The following FGFRL1 variants were observed in gnomAD, a reference collection of about 807,000 sequenced individuals.
FGFRL1 encodes the protein fibroblast growth factor receptor like 1.
In FGFRL1, 24 loss-of-function variants were observed where a neutral mutation model predicts 36.8. The ratio of observed to expected loss-of-function variants is 0.65; its 90% confidence interval spans 0.47 to 0.92. The LOEUF is 0.92. Ranked by LOEUF, FGFRL1 falls within the 40% of genes least tolerant of loss-of-function variation. FGFRL1 has a pLI of 0.00. For missense variants in FGFRL1, 785 were observed against 753.4 expected (o/e 1.04, Z -0.49); for synonymous variants, 422 against 344.1 (o/e 1.23, Z -2.50).
chr4:1,024,269 G>T, intron 5 of FGFRL1, 42 bp from the exon 6 acceptor site: 2 of 1,542,070 alleles, frequency 1.3e-6, no homozygotes, highest in South Asian at 2.4e-5. Context: ...GGTAGAGTCC[G>T]GCGCGGCCCA....
intron 2 of FGFRL1, 137 bp from the exon 3 acceptor site, chr4:1,022,066 C>T (rs1340640215): frequency 6.5e-5 from 42 of 646,790 alleles, no homozygotes; most frequent in African/African-American, 7.6e-5. Context: ...CTCGGCCCCT[C>T]TGCTCATCTT....
chr4:1,023,047 G>A lies in FGFRL1; in HGVS notation c.352+572G>A, dbSNP rs1231879323. Among the ~76,000 whole-genome samples the A allele has an allele frequency of 6.6e-6, 1 of 151,768 alleles. No individual in the cohort carries two copies. Among genetic ancestry groups the A allele is most frequent in the Non-Finnish European group, 1.5e-5 (1 of 67,858 alleles). On this transcript the variant is annotated intron_variant, in intron 3 of 6. Transcript: ENST00000510644. This position sits in a 1 kb window ranked among gnomAD's most constrained non-coding sequence, Gnocchi z 6.0. ...TTTTTTAATTCTACTTTAAGTTTTA[G>A]GGTACATGTGCCCGTTTTCTGAATA...
chr4:1,024,680 G>A lies in FGFRL1; in HGVS notation c.1072+16G>A, dbSNP rs757827192. 5 of 1,583,324 alleles carry A rather than the reference G, an allele frequency of 3.2e-6. No homozygotes were observed. In the African/African-American group the frequency reaches 4.0e-5, roughly 13 times the overall value. Reference sequence around the variant, plus strand: ...GTGCTGCCAGGTGCGCGGCTGCCACGCCACGCCACACCATGCTGGTGCCCG... The same window carrying A: ...GTGCTGCCAGGTGCGCGGCTGCCACACCACGCCACACCATGCTGGTGCCCG... On this transcript the variant is annotated intron_variant, in intron 6 of 6. Transcript: ENST00000510644.
chr4:1,018,360 G>T (rs998219499), intron 2 of FGFRL1, among the ~76,000 whole-genome samples: 2 of 144,934 alleles, frequency 1.4e-5, no homozygotes, highest in African/African-American at 5.7e-5. Context: ...GGCAGGGGTG[G>T]GGGGGGCGGC....
At chr4:1,022,073 T>C (rs1716211353) in intron 2 of FGFRL1, 130 bp from the exon 3 acceptor site, 1 of 682,772 alleles carries the variant, frequency 1.5e-6, no homozygotes, top group African/African-American at 1.9e-5. Flanking sequence ...CCTCTGCTCA[T>C]CTTGGGCAGG....
At position 1,026,761 on chromosome 4, in the gene FGFRL1, C is replaced by T. The variant is rs377102874; in HGVS notation, c.*1414C>T. On this transcript the variant is annotated 3_prime_UTR_variant, in exon 7 of 7. Transcript: ENST00000510644. ...TCTTTCAGCCATGCTGATGACCACA[C>T]CCCGTCCAGGCCAGACACCACCCCC... 2.5e-5 allele frequency: 11 copies of T among 442,742 alleles called. No individual in the cohort carries two copies. The highest frequency in any genetic ancestry group is 2.0e-4 in the African/African-American group (10 of 49,494). The allele number at this position is 442,742 out of a possible 1,614,324, so 27.4% of individuals were successfully genotyped here. A position where few individuals can be genotyped will look rare whatever the true frequency, so the allele number is the denominator to read the frequency against.
At chr4:1,017,709 C>G (rs935828975) in intron 2 of FGFRL1, among the ~76,000 whole-genome samples, 2 of 152,196 alleles carry the variant, frequency 1.3e-5, no homozygotes, top group Non-Finnish European at 2.9e-5. Flanking sequence ...GGTCATGACG[C>G]TGCACGTGTG....
At chr4:1,022,561 G>T in intron 3 of FGFRL1, 86 bp downstream of exon 3, 1 of 1,462,694 alleles carries the variant, frequency 6.8e-7, no homozygotes. Context: ...CACACCTGGG[G>T]CCCGAGAGTC....
chr4:1,017,525 G>A (rs1327749526), intron 2 of FGFRL1, among the ~76,000 whole-genome samples: 5 of 152,224 alleles, frequency 3.3e-5, no homozygotes, highest in African/African-American at 9.6e-5. Context: ...GTCCCTACTG[G>A]GTCAGGAGTC....
intron 5 of FGFRL1, 68 bp from the exon 6 acceptor site, chr4:1,024,243 C>T: frequency 6.7e-7 from 1 of 1,500,364 alleles, no homozygotes; most frequent in Non-Finnish European, 8.9e-7. Flanking sequence ...TGCTGGTGGG[C>T]CCAGGGTGCT....
chr4:1,024,766 G>C, intron 6 of FGFRL1, 102 bp downstream of exon 6: 1 of 1,404,758 alleles, frequency 7.1e-7, no homozygotes, highest in Non-Finnish European at 9.5e-7. Context: ...TCCCTCCCGG[G>C]CCGTGCTGGC....
chr4:1,026,642 T>A lies in FGFRL1; in HGVS notation c.*1295T>A, dbSNP rs1414707039. The A allele has an allele frequency of 1.7e-5, 5 of 293,516 alleles. No individual in the cohort carries two copies. The highest frequency in any genetic ancestry group is 1.3e-5 in the Non-Finnish European group (2 of 150,466). 18.2% of individuals were successfully genotyped at this position (293,516 alleles called of 1,614,324 possible). ...TGACACAGAGAAGGGGCCTTGGTAT[T>A]TATATTTAAGAAATGAAGATAATAT... On this transcript the variant is annotated 3_prime_UTR_variant, in exon 7 of 7. Coordinates refer to ENST00000510644, the MANE Select transcript of FGFRL1 (RefSeq NM_001004356.3).
At chr4:1,014,802 G>A (rs1046530893) in intron 2 of FGFRL1, among the ~76,000 whole-genome samples, 5 of 152,292 alleles carry the variant, frequency 3.3e-5, no homozygotes, top group East Asian at 1.9e-4. Context: ...GTGGGGAATC[G>A]GGCCAGCCGC....
chr4:1,014,778 C>T (rs916811885), intron 2 of FGFRL1, among the ~76,000 whole-genome samples: 1 of 152,304 alleles, frequency 6.6e-6, no homozygotes, highest in South Asian at 2.1e-4. Flanking sequence ...GGAGCTGGGC[C>T]CAGCCCCTGC....
chr4:1,012,395 C>T lies in FGFRL1; in HGVS notation c.-16-75C>T, dbSNP rs567634368. On this transcript the variant is annotated intron_variant, in intron 1 of 6. Coordinates refer to ENST00000510644, the MANE Select transcript of FGFRL1 (RefSeq NM_001004356.3). ...TGGGGAGGGCGGCCAGACCCCTGAT[C>T]CCCGCGGCCCGGGACCGGGGAGGGC... The T allele has an allele frequency of 1.4e-4, 218 of 1,537,924 alleles. 1 individual carries two copies. The South Asian group carries it at 2.5e-3, about 18-fold the overall frequency.
chr4:1,024,347 A>G lies in FGFRL1; in HGVS notation c.755A>G (p.His252Arg), dbSNP rs750528701. The change falls in exon 6 of 7, where the codon CAC (histidine) becomes CGC (arginine). Residue 252 changes from histidine (H) to arginine (R), a missense_variant. His to Arg is a conservative substitution (Grantham distance 29). Transcript: ENST00000510644. ...TCCAAGCCCGTGCTCACAGGCACGC[A>G]CCCCGTGAACACGACGGTGGACTTC... ...TRSKPVLTGT[H>R]PVNTTVDFGG... The G allele has an allele frequency of 1.2e-6, 2 of 1,610,452 alleles. No individual in the cohort carries two copies. Among genetic ancestry groups the G allele is most frequent in the Non-Finnish European group, 1.7e-6 (2 of 1,178,514 alleles).
intron 1 of FGFRL1, 98 bp from the exon 2 acceptor site, chr4:1,012,372 G>A (rs1715637146): frequency 1.4e-6 from 2 of 1,420,250 alleles, no homozygotes; most frequent in South Asian, 1.3e-5. Context: ...AGGGCCTGTG[G>A]GGAGGGCGGC....
chr4:1,026,696 C>T lies in FGFRL1; in HGVS notation c.*1349C>T. On this transcript the variant is annotated 3_prime_UTR_variant, in exon 7 of 7. Coordinates refer to ENST00000510644, the MANE Select transcript of FGFRL1 (RefSeq NM_001004356.3). ...TAATGATGGAAGGAAGACTGGGTTG[C>T]AGGGACTGTGGTCTCTCCTGGGGCC... 5.9e-6 allele frequency: 2 copies of T among 340,440 alleles called. No homozygotes were observed. The highest frequency in any genetic ancestry group is 2.3e-5 in the South Asian group (1 of 44,340). 21.1% of individuals were successfully genotyped at this position (340,440 alleles called of 1,614,324 possible).
intron 2 of FGFRL1, among the ~76,000 whole-genome samples, chr4:1,018,748 G>A (rs924169311): frequency 1.2e-4 from 19 of 152,214 alleles, no homozygotes; most frequent in African/African-American, 4.6e-4. Context: ...GCGTGGGTTG[G>A]ACGCCCGTCC....
Sources: allele counts gnomAD v4.1 joint callset (sites outside exome capture counted in the v4.1 genomes callset), GRCh38; gene constraint gnomAD v4.1.1; non-coding constraint Gnocchi (gnomAD v3.1); transcripts MANE v1.5; gene names NCBI Gene and HGNC (gene_info 2026-07-23, HGNC 2026-07-21).